Variants in XKR6 observed in about 807,000 individuals in gnomAD.
The protein encoded by XKR6 is XK related 6.
A neutral mutation model predicts 56.7 loss-of-function variants in XKR6; 22 were observed. That is an observed-to-expected ratio of 0.39 (90% CI 0.28 to 0.55). The LOEUF (loss-of-function observed/expected upper bound fraction) is 0.55. Among genes scored for constraint, XKR6 ranks in the 20% least tolerant of loss-of-function variants. XKR6 has a pLI of 0.66. For synonymous variants in XKR6, 524 were observed against 387.8 expected (o/e 1.35, Z -4.13); for missense variants, 852 against 889.0 (o/e 0.96, Z 0.53).
intron 1 of XKR6, among the ~76,000 whole-genome samples, chr8:11,043,771 T>C (rs1197739859): frequency 6.6e-6 from 1 of 152,250 alleles, no homozygotes; most frequent in African/African-American, 2.4e-5. Flanking sequence ...CACCTCATTA[T>C]ACATACTCCC....
intron 1 of XKR6, among the ~76,000 whole-genome samples, chr8:11,046,775 A>G (rs533333464): frequency 6.6e-6 from 1 of 152,356 alleles, no homozygotes; most frequent in South Asian, 2.1e-4. Flanking sequence ...ATAAAGATAT[A>G]GATACATAGA....
chr8:11,183,213 G>A (rs946967415), intron 1 of XKR6, among the ~76,000 whole-genome samples: 1 of 152,094 alleles, frequency 6.6e-6, no homozygotes, highest in African/African-American at 2.4e-5. Flanking sequence ...CTTTCTTTTG[G>A]ATATACAGCC....
chr8:11,144,252 G>GTGTGTGTGTGTGTGTATGTGTGTC (rs1800866282), intron 1 of XKR6, among the ~76,000 whole-genome samples: 1 of 150,966 alleles, frequency 6.6e-6, no homozygotes, highest in Non-Finnish European at 1.5e-5. Flanking sequence ...GTGTGTGTGT[G>GTGTGTGTGTGTGTGTATGTGTGTC]TGTATCTAAA....
In XKR6 at chr8:10,930,721, A is replaced by G. The variant is rs137886667; in HGVS notation, c.765-5891T>C. Among the ~76,000 whole-genome samples the G allele has an allele frequency of 2.0e-3, 302 of 152,370 alleles. 2 individuals are homozygous for G. Among genetic ancestry groups the G allele is most frequent in the African/African-American group, 6.6e-3 (274 of 41,584 alleles). On this transcript the variant is annotated intron_variant, in intron 1 of 2. Coordinates refer to ENST00000416569, the MANE Select transcript of XKR6 (RefSeq NM_173683.4). Reference sequence around the variant, plus strand: ...AATTGATACAGAAGTAAAAGGTAACACAATTCAACATCCATTAATTTTCTC... The same window carrying G: ...AATTGATACAGAAGTAAAAGGTAACGCAATTCAACATCCATTAATTTTCTC...
rs567283199 is a variant in XKR6, at chr8:11,129,798, C to A, written c.764+70778G>T. Among the ~76,000 whole-genome samples the A allele has an allele frequency of 5.3e-5, 8 of 151,612 alleles. No individual in the cohort carries two copies. In the East Asian group the frequency reaches 1.5e-3, roughly 29 times the overall value. On this transcript the variant is annotated intron_variant, in intron 1 of 2. Transcript: ENST00000416569. ...GAGGGATCTTTTCTATCCAGCCAAG[C>A]CAACTGTCTTTAAAGCATAATCCTT...
intron 1 of XKR6, among the ~76,000 whole-genome samples, chr8:11,120,730 T>C (rs1338880418): frequency 1.3e-5 from 2 of 152,118 alleles, no homozygotes; most frequent in Non-Finnish European, 2.9e-5. Context: ...CATCGCCAAG[T>C]CAATCCTAAG....
intron 1 of XKR6, among the ~76,000 whole-genome samples, chr8:10,997,488 C>T (rs1798140723): frequency 6.6e-6 from 1 of 152,126 alleles, no homozygotes; most frequent in Non-Finnish European, 1.5e-5. Context: ...ACAGACCCTG[C>T]CTTATTCTAG....
At chr8:11,043,441 C>A (rs980496483) in intron 1 of XKR6, among the ~76,000 whole-genome samples, 3 of 152,178 alleles carry the variant, frequency 2.0e-5, no homozygotes, top group Non-Finnish European at 2.9e-5. Context: ...ACCTCTTCCT[C>A]CTTTACCTAC....
intron 1 of XKR6, among the ~76,000 whole-genome samples, chr8:10,931,420 C>A (rs966971168): frequency 2.6e-5 from 4 of 151,946 alleles, no homozygotes; most frequent in Admixed American, 6.6e-5. Flanking sequence ...TAAATACAGA[C>A]AAGCCAATTC....
At chr8:10,954,866 C>CCTTTTTTTTT (rs1554515116) in intron 1 of XKR6, among the ~76,000 whole-genome samples, 3 of 92,792 alleles carry the variant, frequency 3.2e-5, no homozygotes, top group African/African-American at 8.6e-5. Context: ...ACTTCATTCT[C>CCTTTTTTTTT]TTTTTTTTTT....
At chr8:11,030,720 G>A (rs6994928) in intron 1 of XKR6, among the ~76,000 whole-genome samples, 21,665 of 152,036 alleles carry the variant, frequency 0.14, 1,760 homozygotes, top group Non-Finnish European at 0.19. Context: ...CCTAATGGGC[G>A]GTAGTTCCTC....
chr8:11,042,749 A>G (rs1799316616), intron 1 of XKR6, among the ~76,000 whole-genome samples: 1 of 152,206 alleles, frequency 6.6e-6, no homozygotes, highest in Non-Finnish European at 1.5e-5. Context: ...ATTTTGGAGC[A>G]TTTGGATTTC....
chr8:11,200,553 C>T lies in XKR6; in HGVS notation c.764+23G>A, dbSNP rs769968867. On this transcript the variant is annotated intron_variant, in intron 1 of 2. Coordinates refer to ENST00000416569, the MANE Select transcript of XKR6 (RefSeq NM_173683.4). This position sits in a 1 kb window ranked among gnomAD's most constrained non-coding sequence, Gnocchi z 6.4. ...AGGGGGGCTCCTCAGGGCCGGCCCGCCCCCACCCCGCAGTGCTCTTACCTC... is the reference window on the plus strand; with the variant it reads ...AGGGGGGCTCCTCAGGGCCGGCCCGTCCCCACCCCGCAGTGCTCTTACCTC... 27 of 1,441,498 alleles carry T rather than the reference C, an allele frequency of 1.9e-5. No homozygotes were observed. The highest frequency in any genetic ancestry group is 2.4e-5 in the Non-Finnish European group (27 of 1,106,762). 89.3% of individuals were successfully genotyped at this position (1,441,498 alleles called of 1,614,324 possible).
chr8:11,167,860 G>C (rs1363299387), intron 1 of XKR6, among the ~76,000 whole-genome samples: 1 of 142,072 alleles, frequency 7.0e-6, no homozygotes, highest in Non-Finnish European at 1.5e-5. Context: ...CTCCTGCCAA[G>C]CCTGGGTGAC....
At chr8:11,128,958 T>C (rs1172338682) in intron 1 of XKR6, 1 of 456,716 alleles carries the variant, frequency 2.2e-6, no homozygotes, top group South Asian at 1.5e-5. Context: ...AGAAAGTCTT[T>C]TTTTCAAAAG....
At chr8:10,944,775 G>T (rs1001257768) in intron 1 of XKR6, among the ~76,000 whole-genome samples, 1 of 152,126 alleles carries the variant, frequency 6.6e-6, no homozygotes, top group Non-Finnish European at 1.5e-5. Flanking sequence ...ACAAGGAAAA[G>T]GTGGGGGCCC....
chr8:11,056,669 G>A (rs1799693175), intron 1 of XKR6, among the ~76,000 whole-genome samples: 1 of 152,228 alleles, frequency 6.6e-6, no homozygotes, highest in Non-Finnish European at 1.5e-5. Flanking sequence ...AGCCACACAA[G>A]TGCAGCAATT....
In XKR6 at chr8:10,941,713, G is replaced by A. The variant is rs1326842527; in HGVS notation, c.765-16883C>T. Among the ~76,000 whole-genome samples the A allele has an allele frequency of 3.3e-5, 5 of 152,324 alleles. No individual in the cohort carries two copies. In the South Asian group the frequency reaches 8.3e-4, roughly 25 times the overall value. ...GTCTGTGTGGCTACGTGGCCTGGGGGCTCATGGGTGCTGAGTGCTGTGGAG... is the reference window on the plus strand; with the variant it reads ...GTCTGTGTGGCTACGTGGCCTGGGGACTCATGGGTGCTGAGTGCTGTGGAG... On this transcript the variant is annotated intron_variant, in intron 1 of 2. Transcript: ENST00000416569.
intron 1 of XKR6, among the ~76,000 whole-genome samples, chr8:10,969,811 G>C (rs3923293): frequency 0.14 from 20,996 of 152,264 alleles, 1,628 homozygotes; most frequent in Middle Eastern, 0.21. Flanking sequence ...TGTCCCAAGA[G>C]AGCTTCCTGC....
Sources: allele counts gnomAD v4.1 joint callset (sites outside exome capture counted in the v4.1 genomes callset), GRCh38; gene constraint gnomAD v4.1.1; non-coding constraint Gnocchi (gnomAD v3.1); transcripts MANE v1.5; gene names NCBI Gene and HGNC (gene_info 2026-07-23, HGNC 2026-07-21).